SHC3: variants seen among roughly 807,000 people sequenced by gnomAD.
SHC3 encodes the protein SHC adaptor protein 3.
A neutral mutation model predicts 60.4 loss-of-function variants in SHC3; 15 were observed. That is an observed-to-expected ratio of 0.25 (90% confidence interval 0.17 to 0.38). The LOEUF (loss-of-function observed/expected upper bound fraction) is 0.38. Among genes scored for constraint, SHC3 ranks in the 10% least tolerant of loss-of-function variants. SHC3 has a pLI of 1.00. For synonymous variants in SHC3, 294 were observed against 325.9 expected (o/e 0.90, Z 1.05); for missense variants, 677 against 786.1 (o/e 0.86, Z 1.66).
chr9:89,122,286 C>T (rs1225127077), intron 1 of SHC3, among the ~76,000 whole-genome samples: 1 of 152,158 alleles, frequency 6.6e-6, no homozygotes, highest in African/African-American at 2.4e-5. Flanking sequence ...ACTTTGCTAC[C>T]CTCTTCAGGC....
chr9:89,151,963 A>C (rs1160394085), intron 1 of SHC3, among the ~76,000 whole-genome samples: 1 of 152,200 alleles, frequency 6.6e-6, no homozygotes, highest in Non-Finnish European at 1.5e-5. Flanking sequence ...TCAGTACTAA[A>C]AGTATTCAGA....
chr9:89,089,846 C>A (rs1013950241), intron 2 of SHC3, among the ~76,000 whole-genome samples: 3 of 152,240 alleles, frequency 2.0e-5, no homozygotes, highest in Non-Finnish European at 1.5e-5. Flanking sequence ...CCACAGCCAG[C>A]ACCTTCTTGG....
intron 11 of SHC3, among the ~76,000 whole-genome samples, chr9:89,034,140 A>G (rs912564261): frequency 9.2e-5 from 14 of 152,212 alleles, no homozygotes; most frequent in African/African-American, 2.9e-4. Flanking sequence ...TTTAAAAAAC[A>G]ATTATTATCT....
At chr9:89,050,985 G>A (rs1209154901) in intron 7 of SHC3, among the ~76,000 whole-genome samples, 3 of 151,782 alleles carry the variant, frequency 2.0e-5, no homozygotes, top group South Asian at 2.1e-4. Flanking sequence ...TTCTAGCAAT[G>A]TGGAAATGGT....
intron 1 of SHC3, among the ~76,000 whole-genome samples, chr9:89,143,336 G>T (rs895947470): frequency 6.6e-6 from 1 of 152,030 alleles, no homozygotes; most frequent in Non-Finnish European, 1.5e-5. Flanking sequence ...TCTTGGTTTT[G>T]GTGGGAATTA....
intron 1 of SHC3, among the ~76,000 whole-genome samples, chr9:89,135,483 TA>T (rs539214437): frequency 5.7e-4 from 86 of 152,140 alleles, no homozygotes; most frequent in African/African-American, 9.9e-4. Context: ...AAAGCATATT[TA>T]AAAAAAATTA....
In SHC3 at chr9:89,127,509, A is replaced by G. The variant is rs551917908; in HGVS notation, c.475-14883T>C. Among the ~76,000 whole-genome samples the G allele has an allele frequency of 5.4e-4, 83 of 152,314 alleles. 1 individual carries two copies. Among genetic ancestry groups the G allele is most frequent in the Non-Finnish European group, 9.9e-4 (67 of 68,014 alleles). On this transcript the variant is annotated intron_variant, in intron 1 of 11. Coordinates refer to ENST00000375835, the MANE Select transcript of SHC3 (RefSeq NM_016848.6). ...TTTGGAAAAAACCTCTGTTTTCCTCATGAAACCCCAGGAATTAAAAGTGGA... is the reference window on the plus strand; with the variant it reads ...TTTGGAAAAAACCTCTGTTTTCCTCGTGAAACCCCAGGAATTAAAAGTGGA...
chr9:89,091,380 T>A (rs1425921525), intron 2 of SHC3, among the ~76,000 whole-genome samples: 2 of 152,196 alleles, frequency 1.3e-5, no homozygotes, highest in Non-Finnish European at 2.9e-5. Flanking sequence ...AAACAGAGTG[T>A]GTGGTAATTT....
At chr9:89,023,951 G>A (rs898693992) in intron 11 of SHC3, among the ~76,000 whole-genome samples, 2 of 152,186 alleles carry the variant, frequency 1.3e-5, no homozygotes, top group African/African-American at 2.4e-5. Flanking sequence ...GCCCCATTCC[G>A]AGTTCCTGAC....
intron 1 of SHC3, among the ~76,000 whole-genome samples, chr9:89,117,433 T>A (rs1826034242): frequency 6.6e-6 from 1 of 152,226 alleles, no homozygotes; most frequent in African/African-American, 2.4e-5. Flanking sequence ...CCATTTGCAT[T>A]TCTTTTTCTG....
intron 1 of SHC3, among the ~76,000 whole-genome samples, chr9:89,147,582 G>A (rs947952256): frequency 6.6e-6 from 1 of 151,822 alleles, no homozygotes; most frequent in African/African-American, 2.4e-5. Context: ...GGCCAAGAAA[G>A]CCCTCCTCAC....
intron 5 of SHC3, 92 bp from the exon 6 acceptor site, chr9:89,065,672 G>A: frequency 2.4e-6 from 3 of 1,248,312 alleles, no homozygotes; most frequent in African/African-American, 1.5e-5. Flanking sequence ...GAGCTTAGAA[G>A]GACTCAACCA....
chr9:89,081,008 C>T (rs1483852301), intron 2 of SHC3, among the ~76,000 whole-genome samples: 1 of 152,004 alleles, frequency 6.6e-6, no homozygotes, highest in Non-Finnish European at 1.5e-5. Flanking sequence ...TCTTATGATC[C>T]GCCCTCCTCG....
chr9:89,154,662 TA>T (rs1826595631), intron 1 of SHC3, among the ~76,000 whole-genome samples: 2 of 152,214 alleles, frequency 1.3e-5, no homozygotes. Context: ...TATATTAATA[TA>T]AATGCCATAT....
chr9:89,015,911 A>G (rs9410292), intron 11 of SHC3, among the ~76,000 whole-genome samples: 28,440 of 152,206 alleles, frequency 0.19, 2,796 homozygotes, highest in Middle Eastern at 0.32. Context: ...AAATTAAGAA[A>G]AGTCTAAAAT....
chr9:89,064,540 C>T (rs866906403), intron 6 of SHC3, among the ~76,000 whole-genome samples: 2 of 152,108 alleles, frequency 1.3e-5, no homozygotes, highest in South Asian at 2.1e-4. Context: ...CTAGCTTTGG[C>T]GGTACCTTGG....
At chr9:89,083,220 G>A (rs1350421818) in intron 2 of SHC3, among the ~76,000 whole-genome samples, 1 of 152,226 alleles carries the variant, frequency 6.6e-6, no homozygotes, top group Non-Finnish European at 1.5e-5. Context: ...TACTATGAAG[G>A]ACTGGAGTGT....
At chr9:89,039,637 C>T (rs1030509248) in intron 10 of SHC3, among the ~76,000 whole-genome samples, 6 of 151,810 alleles carry the variant, frequency 4.0e-5, no homozygotes, top group African/African-American at 1.2e-4. Flanking sequence ...TCGTCGCCAT[C>T]GTCATCACCA....
chr9:89,031,991 TCTC>T (rs1824499955), intron 11 of SHC3, among the ~76,000 whole-genome samples: 1 of 152,108 alleles, frequency 6.6e-6, no homozygotes, highest in South Asian at 2.1e-4. Context: ...CAGCCTCTCT[TCTC>T]CTTTGAGCTC....
Sources: gnomAD v4.1 joint callset for allele counts (sites outside exome capture counted in the v4.1 genomes callset) on GRCh38, gnomAD v4.1.1 for gene constraint, MANE v1.5 for transcripts, NCBI Gene and HGNC (gene_info 2026-07-23, HGNC 2026-07-21) for gene names.